Variants in MEF2C observed in about 807,000 individuals in gnomAD.
The protein encoded by MEF2C is myocyte-specific enhancer factor 2C.
A neutral mutation model predicts 50.5 loss-of-function variants in MEF2C; 6 were observed. The ratio of observed to expected loss-of-function variants is 0.12; its 90% CI spans 0.07 to 0.23. The LOEUF (loss-of-function observed/expected upper bound fraction) is 0.23, where lower values mean the gene tolerates loss of function less well. Ranked by LOEUF, MEF2C falls within the 10% of genes least tolerant of loss-of-function variation. The pLI is 1.00. For synonymous variants in MEF2C, 183 were observed against 228.0 expected (o/e 0.80, Z 1.78); for missense variants, 276 against 605.0 (o/e 0.46, Z 5.70).
intron 2 of MEF2C, among the ~76,000 whole-genome samples, chr5:88,823,133 C>T (rs902704170): frequency 2.6e-5 from 4 of 151,870 alleles, no homozygotes; most frequent in African/African-American, 9.7e-5. Context: ...ATTATAACAC[C>T]ATCTGCCTCT....
intron 1 of MEF2C, among the ~76,000 whole-genome samples, chr5:88,830,038 A>G (rs1250745289): frequency 1.3e-5 from 2 of 152,022 alleles, no homozygotes; most frequent in Admixed American, 1.3e-4. Context: ...ATTTACCATG[A>G]AGATCTCACT....
intron 3 of MEF2C, chr5:88,772,133 C>G (rs1179989665): frequency 6.6e-6 from 1 of 152,216 alleles, no homozygotes; most frequent in Non-Finnish European, 1.5e-5. Flanking sequence ...GAATATCTGT[C>G]AGTTGGGATC....
At chr5:88,783,277 A>C (rs1413982311) in intron 3 of MEF2C, among the ~76,000 whole-genome samples, 1 of 152,216 alleles carries the variant, frequency 6.6e-6, no homozygotes, top group Non-Finnish European at 1.5e-5. Flanking sequence ...TTTAATTCTC[A>C]TAACAGCTAA....
intron 1 of MEF2C, among the ~76,000 whole-genome samples, chr5:88,876,301 G>C (rs1228526180): frequency 1.3e-5 from 2 of 151,852 alleles, no homozygotes; most frequent in African/African-American, 4.8e-5. Flanking sequence ...TCATTCAAGA[G>C]ATCTTTGACT....
chr5:88,868,399 A>G (rs1313885523), intron 1 of MEF2C, among the ~76,000 whole-genome samples: 1 of 152,188 alleles, frequency 6.6e-6, no homozygotes, highest in African/African-American at 2.4e-5. Flanking sequence ...TGATATTTAC[A>G]CTTTGAGTGA....
chr5:88,831,688 TATA>T (rs922346601), intron 1 of MEF2C, among the ~76,000 whole-genome samples: 10 of 152,102 alleles, frequency 6.6e-5, no homozygotes, highest in Non-Finnish European at 1.5e-4. Flanking sequence ...TTCAAAATGC[TATA>T]ATACTATCTC....
At chr5:88,891,477 A>G (rs1425012619) in intron 1 of MEF2C, among the ~76,000 whole-genome samples, 1 of 139,512 alleles carries the variant, frequency 7.2e-6, no homozygotes, top group Non-Finnish European at 1.5e-5. Context: ...GGCTCGGCTC[A>G]CTGAAAGCTC....
chr5:88,734,715 A>T (rs1763405354), intron 6 of MEF2C: 1 of 983,400 alleles, frequency 1.0e-6, no homozygotes, highest in Admixed American at 6.2e-5. Flanking sequence ...TATACATTGT[A>T]GCTTTTCATT....
intron 1 of MEF2C, chr5:88,843,353 C>G: frequency 6.1e-6 from 6 of 982,880 alleles, no homozygotes; most frequent in Non-Finnish European, 7.2e-6. Flanking sequence ...TGGTTCCCCC[C>G]AAAAAAAACC....
At chr5:88,871,702 C>T (rs904918484) in intron 1 of MEF2C, among the ~76,000 whole-genome samples, 1 of 152,048 alleles carries the variant, frequency 6.6e-6, no homozygotes, top group African/African-American at 2.4e-5. Flanking sequence ...ACCAGTAATA[C>T]TCACATTTTT....
chr5:88,756,272 C>T (rs1418719030), intron 4 of MEF2C, among the ~76,000 whole-genome samples: 3 of 151,968 alleles, frequency 2.0e-5, no homozygotes, highest in South Asian at 2.1e-4. Flanking sequence ...GAACATTGTA[C>T]CTAAGAGCTA....
intron 3 of MEF2C, chr5:88,766,489 C>T (rs916981472): frequency 4.9e-6 from 1 of 204,880 alleles, no homozygotes; most frequent in Non-Finnish European, 8.6e-6. Context: ...TTATATGAAG[C>T]TGTATTTTTA....
intron 6 of MEF2C, chr5:88,739,079 G>C (rs1263816729): frequency 2.0e-6 from 2 of 985,050 alleles, no homozygotes; most frequent in East Asian, 2.3e-4. Context: ...GTCAATTTAA[G>C]AGACCAGCTT....
chr5:88,853,798 A>G (rs528115198), intron 1 of MEF2C, among the ~76,000 whole-genome samples: 7 of 152,362 alleles, frequency 4.6e-5, no homozygotes, highest in African/African-American at 1.7e-4. Flanking sequence ...TCAGATGCTC[A>G]TCACAAAACA....
intron 1 of MEF2C, chr5:88,839,746 A>C (rs1816654044): frequency 6.6e-6 from 1 of 152,172 alleles, no homozygotes; most frequent in Non-Finnish European, 1.5e-5. Flanking sequence ...AACTTTCAAA[A>C]TTATATAAGA....
At chr5:88,734,318 G>A (rs1762950906) in intron 6 of MEF2C, 4 of 985,292 alleles carry the variant, frequency 4.1e-6, no homozygotes, top group Non-Finnish European at 4.8e-6. Flanking sequence ...CAATCAAATG[G>A]AAAATTAGCT....
chr5:88,773,749 C>T (rs951456282), intron 3 of MEF2C, among the ~76,000 whole-genome samples: 10 of 152,154 alleles, frequency 6.6e-5, no homozygotes, highest in Non-Finnish European at 5.9e-5. Flanking sequence ...TCCAAATGTT[C>T]CCCCTTGAAA....
rs647983 is a variant in MEF2C at position 88,752,254 on chromosome 5, T to C, written c.403-211A>G. ...CTCCTTCTTTGCAACCATTAAAAAATGTTTCACTTTTGTTTAAAACAAAGC... is the reference window on the plus strand; with the variant it reads ...CTCCTTCTTTGCAACCATTAAAAAACGTTTCACTTTTGTTTAAAACAAAGC... On this transcript the variant is annotated intron_variant, in intron 4 of 10. Coordinates refer to ENST00000504921, the MANE Select transcript of MEF2C (RefSeq NM_002397.5). Among the ~76,000 whole-genome samples, 73,977 of 152,078 alleles carry C rather than the reference T, an allele frequency of 0.49. 19,360 individuals are homozygous for C. Among genetic ancestry groups the C allele is most frequent in the East Asian group, 0.59 (3,033 of 5,170 alleles).
intron 1 of MEF2C, among the ~76,000 whole-genome samples, chr5:88,831,815 GCT>G (rs577166101): frequency 1.9e-3 from 291 of 151,932 alleles, no homozygotes; most frequent in African/African-American, 6.8e-3. Context: ...CCTAATTAAG[GCT>G]TTGTTCATCT....
Sources: allele counts gnomAD v4.1 joint callset (sites outside exome capture counted in the v4.1 genomes callset), GRCh38; gene constraint gnomAD v4.1.1; transcripts MANE v1.5; gene names NCBI Gene and HGNC (gene_info 2026-07-23, HGNC 2026-07-21).